Variants in CTDSPL2 observed in about 807,000 individuals in gnomAD.
CTDSPL2 encodes CTD small phosphatase like 2, also known as CTD small phosphatase-like protein 2.
In CTDSPL2, 5 loss-of-function variants were observed where a neutral mutation model predicts 60.0. The observed-to-expected ratio is 0.08, with a 90% CI of 0.04 to 0.18. The LOEUF (loss-of-function observed/expected upper bound fraction) is 0.18. Among genes scored for constraint, CTDSPL2 ranks in the 10% least tolerant of loss-of-function variants. The pLI is 1.00. For synonymous variants in CTDSPL2, 186 were observed against 189.3 expected, an observed-to-expected ratio of 0.98 and a Z score of 0.14; for missense variants, 370 against 548.8, an observed-to-expected ratio of 0.67 and a Z score of 3.26.
At chr15:44,454,093 T>C (rs946024008) in intron 1 of CTDSPL2, among the ~76,000 whole-genome samples, 2 of 152,198 alleles carry the variant, frequency 1.3e-5, no homozygotes, top group Non-Finnish European at 1.5e-5. Flanking sequence ...ACCTGTTGTT[T>C]CCTGACTTTT....
chr15:44,504,777 G>A (rs942141184), intron 8 of CTDSPL2, among the ~76,000 whole-genome samples: 1 of 152,112 alleles, frequency 6.6e-6, no homozygotes. Flanking sequence ...GGCTGAGGCA[G>A]GAGGATTGCT....
chr15:44,489,877 G>C (rs571727584), intron 4 of CTDSPL2, among the ~76,000 whole-genome samples: 12 of 152,088 alleles, frequency 7.9e-5, no homozygotes, highest in Non-Finnish European at 1.6e-4. Flanking sequence ...GCACATTAGT[G>C]GAAAACCAGC....
intron 2 of CTDSPL2, among the ~76,000 whole-genome samples, chr15:44,463,789 T>C (rs1317223433): frequency 6.6e-6 from 1 of 152,194 alleles, no homozygotes; most frequent in Non-Finnish European, 1.5e-5. Flanking sequence ...CTTGCTTACG[T>C]ATGTATCTTA....
At chr15:44,483,522 A>G (rs1291059051) in intron 2 of CTDSPL2, among the ~76,000 whole-genome samples, 1 of 151,932 alleles carries the variant, frequency 6.6e-6, no homozygotes, top group Non-Finnish European at 1.5e-5. Flanking sequence ...TGGGCAACAG[A>G]GGAAAAACTC....
chr15:44,523,678 A>G (rs1845212071), intron 12 of CTDSPL2, among the ~76,000 whole-genome samples: 1 of 152,150 alleles, frequency 6.6e-6, no homozygotes, highest in Non-Finnish European at 1.5e-5. Context: ...TGGGCAGATA[A>G]CCTGAGGTCA....
chr15:44,459,176 A>T lies in CTDSPL2; in HGVS notation c.162A>T (p.Lys54Asn), dbSNP rs1385582981. ...NETGLLSSIK[K>N]FIKGSTPKEE... is the part of the protein sequence containing the mutation. ...CCGGCTTGTTGTCTTCAATTAAAAA[A>T]TTTATTAAAGGAAGCACACCTAAGG... The change falls in exon 2 of 13, where the codon AAA becomes AAT. Residue 54 changes from lysine (K) to asparagine (N), a missense_variant. Lys to Asn is a moderately conservative substitution (Grantham distance 94). Transcript: ENST00000260327. The T allele has an allele frequency of 1.2e-6, 2 of 1,606,772 alleles. No homozygotes were observed. The highest frequency in any genetic ancestry group is 1.7e-6 in the Non-Finnish European group (2 of 1,177,334).
chr15:44,506,806 G>T (rs1232397695), intron 8 of CTDSPL2, among the ~76,000 whole-genome samples: 2 of 151,668 alleles, frequency 1.3e-5, no homozygotes, highest in Non-Finnish European at 1.5e-5. Flanking sequence ...TCGCTCTGTC[G>T]CCCAGGCTGG....
At chr15:44,476,162 G>A (rs558974443) in intron 2 of CTDSPL2, among the ~76,000 whole-genome samples, 1 of 152,124 alleles carries the variant, frequency 6.6e-6, no homozygotes, top group South Asian at 2.1e-4. Flanking sequence ...TCCACCTCCC[G>A]GGTTCATGCC....
Position 44,497,141 on chromosome 15 carries a change from A to G in CTDSPL2, c.882+3A>G. 6.6e-7 allele frequency: 1 copy of G among 1,524,082 alleles called. No homozygotes were observed. The highest frequency in any genetic ancestry group is 9.1e-7 in the Non-Finnish European group (1 of 1,100,338). 94.4% of individuals were successfully genotyped at this position (1,524,082 alleles called of 1,614,324 possible). On this transcript the variant is annotated splice_donor_region_variant and intron_variant, in intron 7 of 12. Transcript: ENST00000260327. ...AATTCTCCCTAGTTTTAGACTTGGT[A>G]AGTATATTATCTGTAGAGGTAGAGA...
In CTDSPL2 at chr15:44,526,957, C is replaced by G. The variant is rs191758818; in HGVS notation, c.*2783C>G. 6.6e-6 allele frequency: 1 copy of G among 152,458 alleles called. No individual in the cohort carries two copies. The highest frequency in any genetic ancestry group is 1.5e-5 in the Non-Finnish European group (1 of 67,968). The allele number at this position is 152,458 out of a possible 1,614,324, so 9.4% of individuals were successfully genotyped here. A position where few individuals can be genotyped will look rare whatever the true frequency, so the allele number is the denominator to read the frequency against. On this transcript the variant is annotated 3_prime_UTR_variant, in exon 13 of 13. Coordinates refer to ENST00000260327, the MANE Select transcript of CTDSPL2 (RefSeq NM_016396.3). ...GTAAATGTCTGACTTTTAAGACATT[C>G]TTTTAAATATTTGTATCATTGTTAG...
intron 1 of CTDSPL2, among the ~76,000 whole-genome samples, chr15:44,444,289 T>C (rs1376399329): frequency 6.7e-6 from 1 of 149,116 alleles, no homozygotes; most frequent in Non-Finnish European, 1.5e-5. Context: ...TCCAATGTTA[T>C]GAGCTTTTCC....
At chr15:44,430,290 A>G (rs2079830730) in intron 1 of CTDSPL2, among the ~76,000 whole-genome samples, 1 of 151,906 alleles carries the variant, frequency 6.6e-6, no homozygotes, top group Non-Finnish European at 1.5e-5. Context: ...TTTTTTAGAG[A>G]TGGGGGTCTC....
intron 2 of CTDSPL2, among the ~76,000 whole-genome samples, chr15:44,466,984 A>G (rs2080710034): frequency 6.6e-6 from 1 of 152,192 alleles, no homozygotes; most frequent in Non-Finnish European, 1.5e-5. Flanking sequence ...ACTGATTATC[A>G]TGGGCAGTTG....
At chr15:44,433,803 A>G (rs1219208721) in intron 1 of CTDSPL2, among the ~76,000 whole-genome samples, 6 of 151,922 alleles carry the variant, frequency 3.9e-5, no homozygotes, top group Non-Finnish European at 8.8e-5. Flanking sequence ...TACAAAAAAA[A>G]TTAGCTGGGC....
intron 7 of CTDSPL2, among the ~76,000 whole-genome samples, chr15:44,498,795 A>G (rs1013640118): frequency 6.6e-6 from 1 of 152,018 alleles, no homozygotes; most frequent in Non-Finnish European, 1.5e-5. Context: ...GCTGCTTGGG[A>G]GGCTGAGGCA....
chr15:44,491,086 T>G lies in CTDSPL2; in HGVS notation c.691+87T>G, dbSNP rs964096650. ...CATATTTTTTCTTAAATGAGCACATTATATGCATAGGTTTTTCTTCCTGGA... is the reference window on the plus strand; with the variant it reads ...CATATTTTTTCTTAAATGAGCACATGATATGCATAGGTTTTTCTTCCTGGA... On this transcript the variant is annotated intron_variant, in intron 5 of 12. Coordinates refer to ENST00000260327, the MANE Select transcript of CTDSPL2 (RefSeq NM_016396.3). 5 of 946,922 alleles carry G rather than the reference T, an allele frequency of 5.3e-6. No homozygotes were observed. The African/African-American group carries it at 6.6e-5, about 13-fold the overall frequency. 58.7% of individuals were successfully genotyped at this position (946,922 alleles called of 1,614,324 possible).
At chr15:44,451,813 A>T (rs957611099) in intron 1 of CTDSPL2, among the ~76,000 whole-genome samples, 1 of 151,986 alleles carries the variant, frequency 6.6e-6, no homozygotes, top group Non-Finnish European at 1.5e-5. Flanking sequence ...CTTAATTATT[A>T]TTTTTTCTTT....
intron 2 of CTDSPL2, among the ~76,000 whole-genome samples, chr15:44,473,658 T>C (rs1466034386): frequency 6.6e-6 from 1 of 152,210 alleles, no homozygotes; most frequent in Non-Finnish European, 1.5e-5. Flanking sequence ...TGAGTTAATT[T>C]TTATAGATGG....
chr15:44,477,410 C>T (rs990286434), intron 2 of CTDSPL2, among the ~76,000 whole-genome samples: 1 of 152,034 alleles, frequency 6.6e-6, no homozygotes, highest in African/African-American at 2.4e-5. Context: ...TGGTGTGTGC[C>T]TGTAGTCCCA....
Sources: allele counts gnomAD v4.1 joint callset (sites outside exome capture counted in the v4.1 genomes callset), GRCh38; gene constraint gnomAD v4.1.1; transcripts MANE v1.5; gene names NCBI Gene and HGNC (gene_info 2026-07-23, HGNC 2026-07-21).